The following VRK2 variants were observed in gnomAD, a reference collection of about 807,000 sequenced individuals.
The protein encoded by VRK2 is VRK serine/threonine kinase 2, also known as serine/threonine-protein kinase VRK2.
VRK2 carries 60 observed loss-of-function variants against 57.6 expected under a neutral mutation model. The observed-to-expected ratio is 1.04, with a 90% CI of 0.85 to 1.29. The LOEUF (loss-of-function observed/expected upper bound fraction) is 1.29, where lower values mean the gene tolerates loss of function less well. Among genes scored for constraint, VRK2 ranks in the 50% most tolerant of loss-of-function variants. The pLI is 0.00. For missense variants in VRK2, 705 were observed against 588.1 expected (o/e 1.20, Z -2.06); for synonymous variants, 231 against 199.2 (o/e 1.16, Z -1.35).
chr2:57,992,087 T>A (rs1285618167), intron 1 of VRK2, among the ~76,000 whole-genome samples: 2 of 151,938 alleles, frequency 1.3e-5, no homozygotes, highest in Admixed American at 6.6e-5. Flanking sequence ...AAACAGGAGA[T>A]TAATAATAGA....
At chr2:58,054,224 T>G (rs1252673353) in intron 2 of VRK2, among the ~76,000 whole-genome samples, 1 of 152,104 alleles carries the variant, frequency 6.6e-6, no homozygotes, top group Non-Finnish European at 1.5e-5. Flanking sequence ...ATATCCATTT[T>G]TAAGCATATT....
chr2:58,068,069 A>G (rs530543357), intron 2 of VRK2, among the ~76,000 whole-genome samples: 40 of 152,064 alleles, frequency 2.6e-4, no homozygotes, highest in Non-Finnish European at 4.7e-4. Flanking sequence ...AGCTGGCACT[A>G]CAGGTGTATG....
At chr2:58,048,025 C>T (rs1675123578) in intron 1 of VRK2, among the ~76,000 whole-genome samples, 1 of 152,166 alleles carries the variant, frequency 6.6e-6, no homozygotes, top group East Asian at 1.9e-4. Context: ...TGTATGCTGG[C>T]ATATGTATTT....
intron 10 of VRK2, 33 bp downstream of exon 10, chr2:58,135,232 C>A (rs370240741): frequency 1.9e-6 from 3 of 1,611,734 alleles, no homozygotes; most frequent in East Asian, 2.2e-5. Flanking sequence ...CCTTCTCTTA[C>A]GATTTACAGG....
At chr2:58,117,208 G>A (rs1676651684) in intron 7 of VRK2, among the ~76,000 whole-genome samples, 1 of 152,104 alleles carries the variant, frequency 6.6e-6, no homozygotes, top group African/African-American at 2.4e-5. Context: ...GAACTGGGCT[G>A]GGTTTTTATA....
At chr2:57,915,325 A>G in intron 1 of VRK2, among the ~76,000 whole-genome samples, 1 of 152,174 alleles carries the variant, frequency 6.6e-6, no homozygotes, top group East Asian at 1.9e-4. Flanking sequence ...TTATAACCTA[A>G]CAACTATAAA....
At chr2:58,151,731 G>GTTTTTTTTTTTTTTTTTGTTTTTTTT (rs1683075081) in intron 12 of VRK2, among the ~76,000 whole-genome samples, 1 of 16,722 alleles carries the variant, frequency 6.0e-5, no homozygotes, top group Non-Finnish European at 1.5e-4. Flanking sequence ...TTCTATGCTT[G>GTTTTTTTTTTTTTTTTTGTTTTTTTT]TTTTTTTTTT....
intron 7 of VRK2, among the ~76,000 whole-genome samples, chr2:58,105,829 G>A (rs557708721): frequency 2.0e-5 from 3 of 152,008 alleles, no homozygotes; most frequent in South Asian, 2.1e-4. Context: ...AATAGAATAT[G>A]TAGTTAGTGT....
At chr2:57,978,956 T>G (rs1296239339) in intron 1 of VRK2, among the ~76,000 whole-genome samples, 1 of 150,840 alleles carries the variant, frequency 6.6e-6, no homozygotes, top group African/African-American at 2.5e-5. Context: ...TCCAGTTTCA[T>G]CTATGTCCCT....
chr2:58,057,570 G>A (rs1403046613), intron 2 of VRK2, among the ~76,000 whole-genome samples: 1 of 152,094 alleles, frequency 6.6e-6, no homozygotes, highest in Non-Finnish European at 1.5e-5. Flanking sequence ...AAGTATAAAC[G>A]TTTGTGGGGA....
intron 1 of VRK2, among the ~76,000 whole-genome samples, chr2:57,909,107 A>G (rs1445613016): frequency 6.6e-6 from 1 of 152,198 alleles, no homozygotes; most frequent in Non-Finnish European, 1.5e-5. Flanking sequence ...GGAGCTCATG[A>G]ACTGCTTTTG....
At chr2:57,955,133 T>C (rs763654620) in intron 1 of VRK2, among the ~76,000 whole-genome samples, 1 of 152,172 alleles carries the variant, frequency 6.6e-6, no homozygotes, top group Admixed American at 6.6e-5. Flanking sequence ...TGAAGAGCAT[T>C]GTTTCAACAT....
At chr2:57,909,641 GA>G (rs1446313018) in intron 1 of VRK2, among the ~76,000 whole-genome samples, 1 of 152,130 alleles carries the variant, frequency 6.6e-6, no homozygotes, top group African/African-American at 2.4e-5. Flanking sequence ...CTGTCAAGAA[GA>G]AATTCATTTT....
intron 1 of VRK2, among the ~76,000 whole-genome samples, chr2:57,944,652 C>A (rs1233516796): frequency 1.3e-5 from 2 of 151,842 alleles, no homozygotes; most frequent in Admixed American, 6.6e-5. Flanking sequence ...AGGAGAATGG[C>A]GTGAACCCGG....
chr2:58,133,688 T>C (rs1188515266), intron 9 of VRK2, among the ~76,000 whole-genome samples: 2 of 152,218 alleles, frequency 1.3e-5, no homozygotes, highest in Non-Finnish European at 2.9e-5. Flanking sequence ...TATTCCTTAC[T>C]TGAAAGGCTT....
intron 12 of VRK2, among the ~76,000 whole-genome samples, chr2:58,148,543 G>A (rs1682507235): frequency 6.6e-6 from 1 of 151,534 alleles, no homozygotes; most frequent in Non-Finnish European, 1.5e-5. Context: ...TATTTTAATA[G>A]TTTTTTTGTC....
chr2:58,048,614 T>A, intron 1 of VRK2: 1 of 1,480,160 alleles, frequency 6.8e-7, no homozygotes, highest in African/African-American at 1.4e-5. Flanking sequence ...TTTTTTAAAA[T>A]ATCTATACCT....
At chr2:57,980,801 T>A (rs1373421255) in intron 1 of VRK2, among the ~76,000 whole-genome samples, 2 of 152,160 alleles carry the variant, frequency 1.3e-5, no homozygotes, top group African/African-American at 4.8e-5. Context: ...CTTTGTCCTT[T>A]TTGATCATTG....
intron 7 of VRK2, among the ~76,000 whole-genome samples, chr2:58,100,339 A>G (rs1441523309): frequency 6.6e-6 from 1 of 152,004 alleles, no homozygotes; most frequent in Non-Finnish European, 1.5e-5. Context: ...TTCTATATAT[A>G]AACAATATAA....
Sources: allele counts gnomAD v4.1 joint callset (sites outside exome capture counted in the v4.1 genomes callset), GRCh38; gene constraint gnomAD v4.1.1; transcripts MANE v1.5; gene names NCBI Gene and HGNC (gene_info 2026-07-23, HGNC 2026-07-21).